Variants in PTPRD observed in about 807,000 individuals in gnomAD.
The protein encoded by PTPRD is protein tyrosine phosphatase receptor type D.
A neutral mutation model predicts 214.5 loss-of-function variants in PTPRD; 34 were observed. The observed-to-expected ratio is 0.16, with a 90% CI of 0.12 to 0.21. The LOEUF (loss-of-function observed/expected upper bound fraction) is 0.21. Among genes scored for constraint, PTPRD ranks in the 10% least tolerant of loss-of-function variants. PTPRD has a pLI of 1.00. For missense variants in PTPRD, 2,545 were observed against 2,398.7 expected, an observed-to-expected ratio of 1.06 and a Z score of -1.27; for synonymous variants, 1,128 against 845.7, an observed-to-expected ratio of 1.33 and a Z score of -5.79.
chr9:8,549,124 G>C (rs1310819553), intron 14 of PTPRD, among the ~76,000 whole-genome samples: 4 of 152,140 alleles, frequency 2.6e-5, no homozygotes, highest in Admixed American at 6.5e-5. Context: ...TAGTTTAAAT[G>C]TGAGATGATA....
chr9:9,454,506 C>A (rs1406138473), intron 8 of PTPRD, among the ~76,000 whole-genome samples: 1 of 151,788 alleles, frequency 6.6e-6, no homozygotes, highest in African/African-American at 2.4e-5. Flanking sequence ...TACAATTACA[C>A]TGAATTCCCC....
chr9:9,392,933 T>A (rs7029918), intron 9 of PTPRD, among the ~76,000 whole-genome samples: 29 of 152,132 alleles, frequency 1.9e-4, no homozygotes, highest in African/African-American at 5.6e-4. Context: ...CTGACCAACC[T>A]GCACACTGGG....
chr9:8,931,545 C>T (rs10453215), intron 11 of PTPRD, among the ~76,000 whole-genome samples: 55,286 of 151,938 alleles, frequency 0.36, 10,156 homozygotes, highest in Middle Eastern at 0.42. Context: ...CTATAAATTA[C>T]CTTGGGCAGT....
At chr9:9,497,571 A>G (rs1251324038) in intron 8 of PTPRD, among the ~76,000 whole-genome samples, 2 of 152,110 alleles carry the variant, frequency 1.3e-5, no homozygotes, top group Admixed American at 6.6e-5. Context: ...ACGAACAAAT[A>G]TTTTTATTTG....
chr9:8,818,263 G>A (rs1462604349), intron 11 of PTPRD, among the ~76,000 whole-genome samples: 1 of 152,070 alleles, frequency 6.6e-6, no homozygotes, highest in East Asian at 1.9e-4. Context: ...ACATTTGTGT[G>A]GCCACTGGAA....
chr9:8,868,322 C>G (rs1198298905), intron 11 of PTPRD, among the ~76,000 whole-genome samples: 1 of 152,168 alleles, frequency 6.6e-6, no homozygotes, highest in African/African-American at 2.4e-5. Context: ...CCTCAGCCTC[C>G]CGAGTAGCTG....
intron 11 of PTPRD, among the ~76,000 whole-genome samples, chr9:8,852,707 T>C (rs527478202): frequency 5.9e-5 from 9 of 152,306 alleles, no homozygotes; most frequent in Admixed American, 4.6e-4. Flanking sequence ...CTATGACACA[T>C]AGGGATTTGA....
At chr9:10,300,109 T>C (rs1340466714) in intron 3 of PTPRD, among the ~76,000 whole-genome samples, 1 of 152,166 alleles carries the variant, frequency 6.6e-6, no homozygotes, top group Non-Finnish European at 1.5e-5. Context: ...ATAGTCTGTA[T>C]CAACAGCTGA....
At chr9:9,843,882 C>G (rs2058883618) in intron 5 of PTPRD, among the ~76,000 whole-genome samples, 1 of 151,930 alleles carries the variant, frequency 6.6e-6, no homozygotes, top group Non-Finnish European at 1.5e-5. Context: ...AGCCAGTTAT[C>G]TTATCGAATA....
chr9:8,735,128 G>GT lies in PTPRD; in HGVS notation c.-103-1183dup, dbSNP rs1376299728. Among the ~76,000 whole-genome samples the GT allele has an allele frequency of 4.7e-3, 668 of 142,558 alleles. 3 individuals carry two copies. The highest frequency in any genetic ancestry group is 0.036 in the Middle Eastern group (10 of 274). 93.5% of individuals were successfully genotyped at this position (142,558 alleles called of 152,430 possible). A position where few individuals can be genotyped will look rare whatever the true frequency, so the allele number is the denominator to read the frequency against. On this transcript the variant is annotated intron_variant, in intron 11 of 45. Coordinates refer to ENST00000381196, the MANE Select transcript of PTPRD (RefSeq NM_002839.4). Reference sequence around the variant, plus strand: ...GGGGATCCAATAATTCAATAATTTGGTTTTTTTTTGTTTTTTTTTTTCTGT... The same window carrying GT: ...GGGGATCCAATAATTCAATAATTTGGTTTTTTTTTTGTTTTTTTTTTTCTGT...
intron 3 of PTPRD, among the ~76,000 whole-genome samples, chr9:10,082,416 C>T (rs1222863432): frequency 6.6e-6 from 1 of 152,092 alleles, no homozygotes; most frequent in South Asian, 2.1e-4. Context: ...ATTGACAAGG[C>T]GTGTGCACTG....
At chr9:9,192,749 G>C (rs1485302786) in intron 9 of PTPRD, among the ~76,000 whole-genome samples, 1 of 152,046 alleles carries the variant, frequency 6.6e-6, no homozygotes, top group Non-Finnish European at 1.5e-5. Flanking sequence ...GCTAGATACA[G>C]ATTTGGGAAA....
At chr9:9,315,462 G>C (rs956516560) in intron 9 of PTPRD, among the ~76,000 whole-genome samples, 1 of 151,888 alleles carries the variant, frequency 6.6e-6, no homozygotes, top group African/African-American at 2.4e-5. Flanking sequence ...GGAATTTTAA[G>C]AGCCTGCCCA....
At chr9:10,298,217 T>C (rs1453721503) in intron 3 of PTPRD, among the ~76,000 whole-genome samples, 2 of 152,160 alleles carry the variant, frequency 1.3e-5, no homozygotes. Flanking sequence ...GTTTTTACCC[T>C]GGCAGGGAAT....
intron 5 of PTPRD, among the ~76,000 whole-genome samples, chr9:9,816,645 A>G (rs1292660456): frequency 6.6e-6 from 1 of 152,062 alleles, no homozygotes; most frequent in Admixed American, 6.6e-5. Context: ...AAGATGGAAA[A>G]AGGGAAGACC....
chr9:8,320,718 C>G (rs1041498625), intron 44 of PTPRD, among the ~76,000 whole-genome samples: 1 of 150,024 alleles, frequency 6.7e-6, no homozygotes, highest in Admixed American at 6.6e-5. Flanking sequence ...TGATCAGCAA[C>G]TAAAACCACA....
chr9:8,337,116 A>G (rs1051571087), intron 43 of PTPRD, among the ~76,000 whole-genome samples: 22 of 151,978 alleles, frequency 1.4e-4, no homozygotes, highest in African/African-American at 2.9e-4. Context: ...CCAAAGGATT[A>G]TAAATCATTC....
In PTPRD at chr9:8,317,182, A is replaced by C. The variant is rs1051068936; in HGVS notation, c.*692T>G. 2.6e-5 allele frequency: 6 copies of C among 231,962 alleles called. No homozygotes were observed. Among genetic ancestry groups the C allele is most frequent in the Non-Finnish European group, 5.1e-5 (6 of 117,078 alleles). 14.4% of individuals were successfully genotyped at this position (231,962 alleles called of 1,614,324 possible). ...AATGTGCAAATTTTCAAATGATTTG[A>C]TATTTCTACAGCAAGATATTACAGA... On this transcript the variant is annotated 3_prime_UTR_variant, in exon 46 of 46. Transcript: ENST00000381196.
At chr9:9,568,966 T>G (rs1025467150) in intron 8 of PTPRD, among the ~76,000 whole-genome samples, 2 of 151,748 alleles carry the variant, frequency 1.3e-5, no homozygotes, top group African/African-American at 4.8e-5. Context: ...ATAATGGGTA[T>G]CTACAATAAG....
Sources: allele counts gnomAD v4.1 joint callset (sites outside exome capture counted in the v4.1 genomes callset), GRCh38; gene constraint gnomAD v4.1.1; transcripts MANE v1.5; gene names NCBI Gene and HGNC (gene_info 2026-07-23, HGNC 2026-07-21).